The following UMODL1 variants were observed in gnomAD, a reference collection of about 807,000 sequenced individuals.
The protein encoded by UMODL1 is uromodulin-like 1.
Under a neutral mutation model 136.3 loss-of-function variants are expected in UMODL1, and 128 were observed. The ratio of observed to expected loss-of-function variants is 0.94; its 90% CI spans 0.81 to 1.09. The LOEUF is 1.09. Among genes scored for constraint, UMODL1 ranks in the 50% least tolerant of loss-of-function variants. The pLI is 0.00. For missense variants in UMODL1, 1,766 were observed against 1,725.6 expected (o/e 1.02, Z -0.41); for synonymous variants, 721 against 720.0 (o/e 1.00, Z -0.02).
chr21:42,096,585 G>C (rs1027855862), intron 6 of UMODL1, among the ~76,000 whole-genome samples: 1 of 152,168 alleles, frequency 6.6e-6, no homozygotes, highest in Non-Finnish European at 1.5e-5. Context: ...TATAGAATGC[G>C]TTTTTAAATG....
At chr21:42,104,417 C>G (rs1016893465) in intron 9 of UMODL1, among the ~76,000 whole-genome samples, 4 of 145,074 alleles carry the variant, frequency 2.8e-5, no homozygotes, top group African/African-American at 7.4e-5. Context: ...TATTTCTTTT[C>G]TTTTTTTCTT....
At chr21:42,067,856 C>T (rs183905161), upstream of UMODL1, among the ~76,000 whole-genome samples, 8 of 152,218 alleles carry the variant, frequency 5.3e-5, no homozygotes, top group Non-Finnish European at 7.3e-5. Flanking sequence ...AACTGCTGCC[C>T]GTGGAGGGCC....
intron 2 of UMODL1, among the ~76,000 whole-genome samples, chr21:42,081,428 A>G (rs1025293721): frequency 1.3e-5 from 2 of 152,136 alleles, no homozygotes; most frequent in African/African-American, 2.4e-5. Context: ...TGAGTTAGGG[A>G]CGAAGGAGAT....
intron 11 of UMODL1, 179 bp downstream of exon 11, chr21:42,111,300 C>T (rs748769206): frequency 2.6e-5 from 36 of 1,407,386 alleles, no homozygotes; most frequent in South Asian, 2.7e-5. Context: ...CAGCGGAGCA[C>T]CAGCCACGCG....
chr21:42,104,066 C>T lies in UMODL1; in HGVS notation c.1498C>T (p.Arg500Trp), dbSNP rs776693385. The change falls in exon 9 of 23, where the codon CGG becomes TGG. Residue 500 changes from arginine to tryptophan, a missense_variant. By Grantham distance (101) the Arg-to-Trp change is moderately radical. Transcript: ENST00000408910. The stretch of plus-strand genomic sequence containing the variant: ...GGCAAGCACAGTGTTCCAGATTGAC[C>T]GGCAGGGGACACGCGTGCAAGGTAT... ...LLASTVFQID[R>W]QGTRVQDWDE... The T allele has an allele frequency of 2.4e-5, 39 of 1,612,358 alleles. No individual in the cohort carries two copies. The highest frequency in any genetic ancestry group is 5.0e-5 in the Admixed American group (3 of 59,982).
At chr21:42,134,555 G>A (rs915605205) in intron 21 of UMODL1, among the ~76,000 whole-genome samples, 1 of 152,134 alleles carries the variant, frequency 6.6e-6, no homozygotes, top group African/African-American at 2.4e-5. Context: ...ACCCCTGGAA[G>A]GGCCCTGTTT....
chr21:42,106,509 G>A (rs181968981), intron 9 of UMODL1, among the ~76,000 whole-genome samples: 39 of 152,308 alleles, frequency 2.6e-4, no homozygotes, highest in African/African-American at 9.1e-4. Context: ...CTGTTCGCCC[G>A]TGGAGGGGTC....
At chr21:42,081,970 C>T (rs1040690563) in intron 2 of UMODL1, among the ~76,000 whole-genome samples, 1 of 152,218 alleles carries the variant, frequency 6.6e-6, no homozygotes, top group Admixed American at 6.5e-5. Context: ...TTGCCCTCCT[C>T]GAGCTGCACC....
At chr21:42,101,929 G>T in intron 7 of UMODL1, 1 of 424,322 alleles carries the variant, frequency 2.4e-6, no homozygotes, top group Non-Finnish European at 4.4e-6. Context: ...GTGGGTATGG[G>T]CTGTGTGTGA....
At chr21:42,070,973 A>G (rs2066224816), upstream of UMODL1, among the ~76,000 whole-genome samples, 1 of 152,236 alleles carries the variant, frequency 6.6e-6, no homozygotes. Context: ...ATGAGTCTCA[A>G]ATGTGTTTTC....
chr21:42,137,650 G>T lies in UMODL1; in HGVS notation c.*21+9G>T. 1.5e-6 allele frequency: 1 copy of T among 664,202 alleles called. No individual in the cohort carries two copies. The highest frequency in any genetic ancestry group is 3.3e-5 in the South Asian group (1 of 30,530). 41.1% of individuals were successfully genotyped at this position (664,202 alleles called of 1,614,324 possible). A position where few individuals can be genotyped will look rare whatever the true frequency, so the allele number is the denominator to read the frequency against. On this transcript the variant is annotated intron_variant, in intron 22 of 22. Coordinates refer to ENST00000408910, the MANE Select transcript of UMODL1 (RefSeq NM_001004416.3). ...CGCAGGCTGACAGGAAGGTGGGTGC[G>T]GAGTGGGGTGGGAGGTGCAGGCTGA...
In UMODL1 at chr21:42,111,722, G is replaced by A. The variant is rs371278324; in HGVS notation, c.2104+12G>A. ...GACCCCCGCCTGTGGTGAGTTCCTC[G>A]AATGGTGCATGGGGACTAGGACTAA... On this transcript the variant is annotated intron_variant, in intron 12 of 22. Coordinates refer to ENST00000408910, the MANE Select transcript of UMODL1 (RefSeq NM_001004416.3). The A allele has an allele frequency of 8.2e-4, 1,307 of 1,603,144 alleles. 1 individual carries two copies. Among genetic ancestry groups the A allele is most frequent in the Admixed American group, 1.3e-3 (80 of 59,530 alleles).
intron 6 of UMODL1, among the ~76,000 whole-genome samples, chr21:42,097,512 G>GT (rs770261522): frequency 1.4e-4 from 21 of 152,042 alleles, no homozygotes; most frequent in Middle Eastern, 3.4e-3. Context: ...ACAGTGTTGG[G>GT]TTTTTTTTGT....
chr21:42,110,817 C>T, intron 10 of UMODL1, 63 bp from the exon 11 acceptor site: 2 of 1,482,554 alleles, frequency 1.3e-6, no homozygotes, highest in Non-Finnish European at 1.8e-6. Flanking sequence ...TGCTGCCCTC[C>T]TGGGAGGGCT....
chr21:42,137,397 C>T (rs147651439), intron 21 of UMODL1, 42 bp from the exon 22 acceptor site: 18 of 1,609,130 alleles, frequency 1.1e-5, no homozygotes, highest in South Asian at 9.9e-5. Flanking sequence ...GCATTCCTCC[C>T]GTTTGTGCAG....
chr21:42,136,256 C>T (rs143126292), intron 21 of UMODL1, among the ~76,000 whole-genome samples: 53 of 152,278 alleles, frequency 3.5e-4, no homozygotes, highest in African/African-American at 1.2e-3. Context: ...TTAGAGTAAA[C>T]GACTCAGTGG....
intron 1 of UMODL1, among the ~76,000 whole-genome samples, chr21:42,073,288 G>C (rs984998536): frequency 6.6e-6 from 1 of 152,184 alleles, no homozygotes; most frequent in Admixed American, 6.5e-5. Context: ...CGTTCCTTCC[G>C]GCCATATTCC....
At chr21:42,063,526 T>G (rs1270441974) in intron 1 of UMODL1, among the ~76,000 whole-genome samples, 2 of 152,230 alleles carry the variant, frequency 1.3e-5, no homozygotes, top group Admixed American at 1.3e-4. Flanking sequence ...GAGACCTTCC[T>G]GGCAAATGTG....
rs374395575 is a variant in UMODL1, at chr21:42,119,270, G to C, written c.2635G>C (p.Ala879Pro). The C allele has an allele frequency of 1.7e-5, 27 of 1,614,078 alleles. No individual in the cohort carries two copies. The highest frequency in any genetic ancestry group is 2.2e-5 in the Non-Finnish European group (26 of 1,180,050). Residue 879 changes from alanine (A) to proline (P), a missense_variant, in exon 15 of 23, where the codon GCC (alanine) becomes CCC (proline). Coordinates refer to ENST00000408910, the MANE Select transcript of UMODL1 (RefSeq NM_001004416.3). ...GGAGGTGTCAGCTGCATTTCTCACC[G>C]CCTTCCAGACCGTGCCTCTGCTGGA... ...VQEVSAAFLT[A>P]FQTVPLLEVI...
Sources: allele counts gnomAD v4.1 joint callset (sites outside exome capture counted in the v4.1 genomes callset), GRCh38; gene constraint gnomAD v4.1.1; transcripts MANE v1.5; gene names NCBI Gene and HGNC (gene_info 2026-07-23, HGNC 2026-07-21).